KIF5B: variants seen among roughly 807,000 people sequenced by gnomAD.
The protein encoded by KIF5B is kinesin-1 heavy chain.
Under a neutral mutation model 132.8 loss-of-function variants are expected in KIF5B, and 49 were observed. The observed-to-expected ratio is 0.37, with a 90% CI of 0.29 to 0.47. KIF5B has a LOEUF of 0.47. Among genes scored for constraint, KIF5B ranks in the 20% least tolerant of loss-of-function variants. KIF5B has a pLI of 1.00. For missense variants in KIF5B, 780 were observed against 1,144.0 expected, an observed-to-expected ratio of 0.68 and a Z score of 4.59; for synonymous variants, 355 against 369.4, an observed-to-expected ratio of 0.96 and a Z score of 0.45.
chr10:32,018,189 T>TA (rs376148293), intron 22 of KIF5B, 33 bp from the exon 23 acceptor site: 36 of 1,510,492 alleles, frequency 2.4e-5, no homozygotes, highest in Admixed American at 6.2e-5. Context: ...ACAAAAAAAT[T>TA]AAAAAAAACT....
intron 20 of KIF5B, 84 bp downstream of exon 20, chr10:32,019,774 T>C (rs1408280923): frequency 1.2e-5 from 10 of 852,524 alleles, no homozygotes; most frequent in Non-Finnish European, 1.8e-5. Context: ...AAAATATGTA[T>C]CCACTGGCTA....
At chr10:32,033,771 A>G (rs1841428933) in intron 12 of KIF5B, 74 bp downstream of exon 12, 1 of 1,015,990 alleles carries the variant, frequency 9.8e-7, no homozygotes, top group South Asian at 1.5e-5. Flanking sequence ...CTGAAATGAG[A>G]AAAGTTAGAA....
chr10:32,033,135 C>A (rs1221867106), intron 12 of KIF5B, among the ~76,000 whole-genome samples: 4 of 152,170 alleles, frequency 2.6e-5, no homozygotes, highest in Non-Finnish European at 4.4e-5. Flanking sequence ...ATATGCAAAG[C>A]AGGAAGATAT....
chr10:32,033,949 C>T lies in KIF5B; in HGVS notation c.1201G>A (p.Asp401Asn), dbSNP rs1373199489. Residue 401 changes from aspartate (D) to asparagine (N), a missense_variant, in exon 12 of 26, where the codon GAT becomes AAT. This residue lies in a region of KIF5B where 471 missense variants were observed against 569.9 expected (regional missense o/e 0.83). Transcript: ENST00000302418. Reference sequence around the variant, plus strand: ...ACTCCAATTGCGGTTGCTGGTTTATCATTGGTAAGAGTAATATCTTTATCC... The same window carrying T: ...ACTCCAATTGCGGTTGCTGGTTTATTATTGGTAAGAGTAATATCTTTATCC... The part of the protein sequence containing the change: ...TVDKDITLTN[D>N]KPATAIGVIG... 1 of 1,612,544 alleles carries T rather than the reference C, an allele frequency of 6.2e-7. No homozygotes were observed. The highest frequency in any genetic ancestry group is 2.2e-5 in the East Asian group (1 of 44,822).
intron 25 of KIF5B, among the ~76,000 whole-genome samples, chr10:32,013,963 CAACTT>C (rs1275835464): frequency 6.6e-6 from 1 of 152,146 alleles, no homozygotes; most frequent in Non-Finnish European, 1.5e-5. Flanking sequence ...ATTCTCTACT[CAACTT>C]AGAGCCAGTA....
At chr10:32,026,721 A>G (rs993290594) in intron 15 of KIF5B, among the ~76,000 whole-genome samples, 2 of 152,210 alleles carry the variant, frequency 1.3e-5, no homozygotes, top group Admixed American at 6.5e-5. Context: ...AACATAAAAT[A>G]TAAGATTTGT....
intron 5 of KIF5B, among the ~76,000 whole-genome samples, chr10:32,038,448 A>C (rs905041665): frequency 3.3e-5 from 5 of 152,212 alleles, no homozygotes; most frequent in Non-Finnish European, 7.4e-5. Flanking sequence ...ACATTTTATA[A>C]ACAAGAACAT....
Position 32,018,382 on chromosome 10 carries a change from T to C in KIF5B, c.2373A>G (p.Lys791=). 6.5e-7 allele frequency: 1 copy of C among 1,537,942 alleles called. No individual in the cohort carries two copies. Among genetic ancestry groups the C allele is most frequent in the Non-Finnish European group, 8.7e-7 (1 of 1,148,372 alleles). Residue 791 remains lysine (K), a synonymous_variant, in exon 22 of 26, where the codon AAA becomes AAG. Transcript: ENST00000302418. ...DLKGLEETVA[K]ELQTLHNLRK... ...GCAGGTTGTGTAAAGTCTGAAGTTC[T>C]TTTGCCTTGGATTAAGAACAGCGAT...
chr10:32,020,058 A>C, intron 19 of KIF5B, 99 bp from the exon 20 acceptor site: 1 of 803,106 alleles, frequency 1.2e-6, no homozygotes, highest in Non-Finnish European at 2.0e-6. Context: ...AATCTCATCA[A>C]GGACTTTTCT....
At chr10:32,030,497 C>T (rs1841388657) in intron 14 of KIF5B, among the ~76,000 whole-genome samples, 1 of 147,164 alleles carries the variant, frequency 6.8e-6, no homozygotes, top group Non-Finnish European at 1.5e-5. Context: ...CCTGGGCAAC[C>T]AGAGTGAAAC....
chr10:32,053,581 G>A (rs1841719350), intron 1 of KIF5B, among the ~76,000 whole-genome samples: 1 of 151,820 alleles, frequency 6.6e-6, no homozygotes, highest in Admixed American at 6.6e-5. Context: ...AAAATTAGCT[G>A]GGCGTGGTAG....
Position 32,056,322 on chromosome 10 carries a change from T to G in KIF5B, c.-349A>C. On this transcript the variant is annotated 5_prime_UTR_variant, in exon 1 of 26. Transcript: ENST00000302418. Reference sequence around the variant, plus strand: ...GGGGACCGGGAGAGTGGCCACCTTCTTCCTCCTCGCGAAGAGCAGGCCGGG... The same window carrying G: ...GGGGACCGGGAGAGTGGCCACCTTCGTCCTCCTCGCGAAGAGCAGGCCGGG... 2.6e-5 allele frequency: 7 copies of G among 271,690 alleles called. No individual in the cohort carries two copies. The highest frequency in any genetic ancestry group is 5.8e-5 in the Admixed American group (1 of 17,122). The allele number at this position is 271,690 out of a possible 1,614,324, so 16.8% of individuals were successfully genotyped here. A position where few individuals can be genotyped will look rare whatever the true frequency, so the allele number is the denominator to read the frequency against.
chr10:32,046,516 G>A (rs539822795), intron 2 of KIF5B, among the ~76,000 whole-genome samples: 1 of 152,228 alleles, frequency 6.6e-6, no homozygotes, highest in South Asian at 2.1e-4. Context: ...GTCTGTAGCA[G>A]ATAATCCCAC....
chr10:32,033,346 G>A (rs1841424589), intron 12 of KIF5B, among the ~76,000 whole-genome samples: 1 of 152,210 alleles, frequency 6.6e-6, no homozygotes, highest in African/African-American at 2.4e-5. Flanking sequence ...AGCAGGAGGT[G>A]AGCAGCAAGC....
intron 25 of KIF5B, among the ~76,000 whole-genome samples, chr10:32,014,549 A>AG (rs1564461284): frequency 6.7e-5 from 10 of 149,848 alleles, no homozygotes; most frequent in African/African-American, 2.4e-4. Context: ...AAGCTCCAGA[A>AG]AGAGAGAGAG....
intron 17 of KIF5B, 136 bp downstream of exon 17, chr10:32,022,004 C>T: frequency 3.5e-6 from 2 of 572,934 alleles, no homozygotes; most frequent in Non-Finnish European, 6.2e-6. Context: ...TTCAAAGCAA[C>T]ATTAATATGT....
intron 2 of KIF5B, among the ~76,000 whole-genome samples, chr10:32,040,812 C>T (rs1470937730): frequency 6.6e-6 from 1 of 151,786 alleles, no homozygotes; most frequent in African/African-American, 2.4e-5. Flanking sequence ...CATGGTGAAA[C>T]CCTGTCTCTA....
rs1206835066 is a variant in KIF5B at position 32,009,493 on chromosome 10, A to G, written c.*2044T>C. 6.6e-6 allele frequency: 1 copy of G among 152,212 alleles called. No individual in the cohort carries two copies. The highest frequency in any genetic ancestry group is 2.4e-5 in the African/African-American group (1 of 41,468). The allele number at this position is 152,212 out of a possible 1,614,324, so 9.4% of individuals were successfully genotyped here. On this transcript the variant is annotated 3_prime_UTR_variant, in exon 26 of 26. Transcript: ENST00000302418. ...ATTTATGAAATTCTTGGTACACTTT[A>G]TGAAAGTCTGAAATTATAAATAGAA...
In KIF5B at chr10:32,015,664, T is replaced by G; in HGVS notation, c.2762-5A>C. 1 of 1,602,238 alleles carries G rather than the reference T, an allele frequency of 6.2e-7. No homozygotes were observed. The highest frequency in any genetic ancestry group is 8.5e-7 in the Non-Finnish European group (1 of 1,174,828). On this transcript the variant is annotated splice_polypyrimidine_tract_variant and splice_region_variant and intron_variant, in intron 24 of 25. Transcript: ENST00000302418. The stretch of plus-strand genomic sequence containing the variant: ...GCCCGGGACGAATAGGTTTAGCTAA[T>G]ATGAAAAATAAAGACAGACTTTAGA...
Sources: allele counts gnomAD v4.1 joint callset (sites outside exome capture counted in the v4.1 genomes callset), GRCh38; gene constraint gnomAD v4.1.1; regional missense constraint gnomAD v4.1.1; transcripts MANE v1.5; gene names NCBI Gene and HGNC (gene_info 2026-07-23, HGNC 2026-07-21).